The following ADARB2 variants were observed in gnomAD, a reference collection of about 807,000 sequenced individuals.
The protein encoded by ADARB2 is inactive double-stranded RNA-specific editase B2.
ADARB2 carries 25 observed loss-of-function variants against 62.2 expected under a neutral mutation model. That is an observed-to-expected ratio of 0.40 (90% CI 0.29 to 0.56). The LOEUF (loss-of-function observed/expected upper bound fraction) is 0.56. Ranked by LOEUF, ADARB2 falls within the 20% of genes least tolerant of loss-of-function variation. ADARB2 has a pLI of 0.43. For synonymous variants in ADARB2, 572 were observed against 500.8 expected, an observed-to-expected ratio of 1.14 and a Z score of -1.90; for missense variants, 1,071 against 1,077.4, an observed-to-expected ratio of 0.99 and a Z score of 0.08.
At chr10:1,563,238 C>T (rs1440495317) in intron 1 of ADARB2, among the ~76,000 whole-genome samples, 1 of 152,110 alleles carries the variant, frequency 6.6e-6, no homozygotes, top group African/African-American at 2.4e-5. Context: ...CCCAGGTGAC[C>T]TCCCGCTCCC....
intron 1 of ADARB2, among the ~76,000 whole-genome samples, chr10:1,481,823 C>T (rs943978290): frequency 2.7e-5 from 4 of 147,820 alleles, no homozygotes; most frequent in Non-Finnish European, 5.9e-5. Context: ...TGCCACTGCA[C>T]TCCAGCCTGG....
At chr10:1,276,964 G>T (rs1304112542) in intron 3 of ADARB2, among the ~76,000 whole-genome samples, 1 of 152,138 alleles carries the variant, frequency 6.6e-6, no homozygotes, top group East Asian at 1.9e-4. Flanking sequence ...ACTCAAAACT[G>T]CTCAACTACA....
At chr10:1,577,017 G>T (rs1258912581) in intron 1 of ADARB2, among the ~76,000 whole-genome samples, 1 of 152,184 alleles carries the variant, frequency 6.6e-6, no homozygotes, top group Non-Finnish European at 1.5e-5. Context: ...TGCAGTGGTT[G>T]CTGTCCCCTT....
chr10:1,451,055 A>C (rs1387906686), intron 1 of ADARB2, among the ~76,000 whole-genome samples: 1 of 152,234 alleles, frequency 6.6e-6, no homozygotes, highest in Admixed American at 6.5e-5. Flanking sequence ...GTGTGCCAAC[A>C]AAACCTGGAA....
intron 1 of ADARB2, among the ~76,000 whole-genome samples, chr10:1,531,435 C>T (rs1192995777): frequency 6.6e-6 from 1 of 152,210 alleles, no homozygotes; most frequent in East Asian, 1.9e-4. Flanking sequence ...CCTTCCAGCC[C>T]CCAAATGGAT....
At chr10:1,185,079 G>A (rs1338369493) in intron 8 of ADARB2, 40 bp from the exon 9 acceptor site, 1 of 1,585,432 alleles carries the variant, frequency 6.3e-7, no homozygotes, top group Admixed American at 1.7e-5. Flanking sequence ...TAATATTCCT[G>A]GCCTCACACG....
chr10:1,472,779 G>T (rs1024866473), intron 1 of ADARB2, among the ~76,000 whole-genome samples: 2 of 152,134 alleles, frequency 1.3e-5, no homozygotes, highest in Non-Finnish European at 2.9e-5. Context: ...TGCAGGGTGG[G>T]GGCAGGGCCA....
At chr10:1,407,194 A>G (rs1832714256) in intron 1 of ADARB2, among the ~76,000 whole-genome samples, 1 of 152,122 alleles carries the variant, frequency 6.6e-6, no homozygotes, top group South Asian at 2.1e-4. Flanking sequence ...AGCGGACCCC[A>G]TACTGATTTG....
chr10:1,310,042 A>G (rs1465341328), intron 3 of ADARB2, among the ~76,000 whole-genome samples: 2 of 152,106 alleles, frequency 1.3e-5, no homozygotes, highest in East Asian at 1.9e-4. Context: ...TTTAACTTCT[A>G]TCCTTCATTC....
At chr10:1,190,329 G>A (rs1836825862) in intron 8 of ADARB2, among the ~76,000 whole-genome samples, 1 of 152,218 alleles carries the variant, frequency 6.6e-6, no homozygotes, top group South Asian at 2.1e-4. Flanking sequence ...GCATCCAGAA[G>A]CTACAACAAA....
chr10:1,514,044 G>A (rs114131341), intron 1 of ADARB2, among the ~76,000 whole-genome samples: 3,080 of 151,268 alleles, frequency 0.02, 103 homozygotes, highest in African/African-American at 0.071. Context: ...GCAACATAGC[G>A]AGACCCTGTC....
intron 2 of ADARB2, among the ~76,000 whole-genome samples, chr10:1,378,024 A>C (rs1832449790): frequency 6.6e-6 from 1 of 152,184 alleles, no homozygotes; most frequent in African/African-American, 2.4e-5. Context: ...CCGTGACAAC[A>C]GGCGTGTGCT....
At chr10:1,633,316 C>A (rs2077157279) in intron 1 of ADARB2, among the ~76,000 whole-genome samples, 3 of 152,130 alleles carry the variant, frequency 2.0e-5, no homozygotes, top group Non-Finnish European at 4.4e-5. Flanking sequence ...TGTCCCTAAT[C>A]AAAAAATCCA....
intron 1 of ADARB2, among the ~76,000 whole-genome samples, chr10:1,705,701 C>T (rs981517627): frequency 1.3e-5 from 2 of 152,302 alleles, no homozygotes; most frequent in Middle Eastern, 3.4e-3. Context: ...ACTGTCTCCA[C>T]CTAAAGCTGT....
intron 3 of ADARB2, among the ~76,000 whole-genome samples, chr10:1,354,792 C>A (rs985154315): frequency 6.6e-6 from 1 of 152,210 alleles, no homozygotes; most frequent in African/African-American, 2.4e-5. Flanking sequence ...TGACCCTGTC[C>A]TTTTTGGTGT....
chr10:1,590,110 G>A (rs1428029673), intron 1 of ADARB2, among the ~76,000 whole-genome samples: 1 of 152,218 alleles, frequency 6.6e-6, no homozygotes, highest in Non-Finnish European at 1.5e-5. Flanking sequence ...CTCCATGGTT[G>A]CTCCCAGCAC....
At chr10:1,381,363 C>T (rs182008349) in intron 1 of ADARB2, among the ~76,000 whole-genome samples, 4 of 152,348 alleles carry the variant, frequency 2.6e-5, no homozygotes, top group Admixed American at 6.5e-5. Flanking sequence ...CAATGAAATA[C>T]CTCCTCACAC....
At chr10:1,228,990 A>C (rs1024075247) in intron 6 of ADARB2, among the ~76,000 whole-genome samples, 3 of 152,216 alleles carry the variant, frequency 2.0e-5, no homozygotes, top group Non-Finnish European at 4.4e-5. Context: ...CGAATGCATC[A>C]GAATCTCGGC....
chr10:1,591,269 G>A (rs985208881), intron 1 of ADARB2, among the ~76,000 whole-genome samples: 2 of 152,154 alleles, frequency 1.3e-5, no homozygotes, highest in Non-Finnish European at 2.9e-5. Context: ...TCCCTGCCTC[G>A]GCCACACTGC....
Sources: gnomAD v4.1 joint callset for allele counts (sites outside exome capture counted in the v4.1 genomes callset) on GRCh38, gnomAD v4.1.1 for gene constraint, MANE v1.5 for transcripts, NCBI Gene and HGNC (gene_info 2026-07-23, HGNC 2026-07-21) for gene names.